The following KDM3B variants were observed in gnomAD, a reference collection of about 807,000 sequenced individuals.
The protein encoded by KDM3B is lysine-specific demethylase 3B.
KDM3B carries 10 observed loss-of-function variants against 170.0 expected under a neutral mutation model. The observed-to-expected ratio is 0.06, with a 90% CI of 0.04 to 0.10. KDM3B has a LOEUF of 0.10. Among genes scored for constraint, KDM3B ranks in the 10% least tolerant of loss-of-function variants. The probability of loss-of-function intolerance (pLI) is 1.00; values close to 1 mark genes in which losing one functional copy is unlikely to be tolerated. For synonymous variants in KDM3B, 831 were observed against 834.8 expected, an observed-to-expected ratio of 1.00 and a Z score of 0.08; for missense variants, 1,394 against 2,195.2, an observed-to-expected ratio of 0.64 and a Z score of 7.29.
intron 21 of KDM3B, 76 bp from the exon 22 acceptor site, chr5:138,430,173 C>T: frequency 1.3e-6 from 2 of 1,514,918 alleles, no homozygotes; most frequent in Admixed American, 1.9e-5. Context: ...CATCTTAGGA[C>T]ATTGCTGCAG....
chr5:138,393,403 A>T lies in KDM3B; in HGVS notation c.2831+31A>T, dbSNP rs574759997. The T allele has an allele frequency of 7.2e-6, 11 of 1,534,134 alleles. No individual in the cohort carries two copies. In the African/African-American group the frequency reaches 1.2e-4, roughly 17 times the overall value. On this transcript the variant is annotated intron_variant, in intron 9 of 23. Coordinates refer to ENST00000314358, the MANE Select transcript of KDM3B (RefSeq NM_016604.4). ...CAAACTCCTGTTTTCCTCCTTTGCT[A>T]GTTTTCATTAGTGACACATAACTTC...
At chr5:138,354,507 AT>A (rs1436853765) in intron 1 of KDM3B, among the ~76,000 whole-genome samples, 2 of 152,148 alleles carry the variant, frequency 1.3e-5, no homozygotes, top group East Asian at 3.9e-4. Context: ...ATTCATTGGG[AT>A]TTTTTTCTGG....
At chr5:138,367,698 G>A (rs1348883903) in intron 1 of KDM3B, among the ~76,000 whole-genome samples, 1 of 152,040 alleles carries the variant, frequency 6.6e-6, no homozygotes, top group Admixed American at 6.6e-5. Context: ...AGCTGATCAT[G>A]GTTTGTATTA....
chr5:138,435,591 G>T, intron 23 of KDM3B, 29 bp from the exon 24 acceptor site: 1 of 1,586,646 alleles, frequency 6.3e-7, no homozygotes, highest in South Asian at 1.1e-5. Context: ...GGGCTGCTGT[G>T]AACTGACTTT....
At chr5:138,400,122 C>A in intron 11 of KDM3B, 110 bp downstream of exon 11, 2 of 1,046,472 alleles carry the variant, frequency 1.9e-6, no homozygotes, top group Non-Finnish European at 2.8e-6. Context: ...TCTTTAGCTG[C>A]TTGGCTTCAT....
chr5:138,409,158 A>AAAT (rs1762898503), intron 11 of KDM3B, among the ~76,000 whole-genome samples: 1 of 152,220 alleles, frequency 6.6e-6, no homozygotes, highest in Admixed American at 6.5e-5. Context: ...ACTTCTATTC[A>AAAT]GTATTTTACT....
intron 12 of KDM3B, among the ~76,000 whole-genome samples, chr5:138,416,238 A>G (rs776274013): frequency 2.6e-5 from 4 of 151,990 alleles, no homozygotes; most frequent in Non-Finnish European, 4.4e-5. Context: ...ATTAACATAC[A>G]TCCATTGAAG....
chr5:138,362,209 C>T (rs995573616), intron 1 of KDM3B, among the ~76,000 whole-genome samples: 1 of 151,448 alleles, frequency 6.6e-6, no homozygotes, highest in Non-Finnish European at 1.5e-5. Flanking sequence ...CCCTGCTACT[C>T]GGGAGGCTGA....
At position 138,389,845 on chromosome 5, in the gene KDM3B, A is replaced by G. The variant is rs1762382249; in HGVS notation, c.1381-1168A>G. Among the ~76,000 whole-genome samples, 10 of 150,292 alleles carry G rather than the reference A, an allele frequency of 6.7e-5. No individual in the cohort carries two copies. The Admixed American group carries it at 6.7e-4, about 10-fold the overall frequency. ...CTCTTGTCTGTATCTGGGTACATTAATATATAGGAAAGTCCTTCCTTTTTT... is the reference window on the plus strand; with the variant it reads ...CTCTTGTCTGTATCTGGGTACATTAGTATATAGGAAAGTCCTTCCTTTTTT... On this transcript the variant is annotated intron_variant, in intron 7 of 23. Transcript: ENST00000314358.
In KDM3B at chr5:138,413,603, A is replaced by G. The variant is rs532097595; in HGVS notation, c.3200-1529A>G. Among the ~76,000 whole-genome samples the G allele has an allele frequency of 1.1e-4, 16 of 152,258 alleles. No homozygotes were observed. The South Asian group carries it at 3.3e-3, about 32-fold the overall frequency. ...AAAACATTTCCACAGAAAGACCTAT[A>G]CATGAATGTTTATAGCTGCTTTATT... On this transcript the variant is annotated intron_variant, in intron 11 of 23. Coordinates refer to ENST00000314358, the MANE Select transcript of KDM3B (RefSeq NM_016604.4).
intron 1 of KDM3B, among the ~76,000 whole-genome samples, chr5:138,370,110 A>G (rs570641676): frequency 5.8e-4 from 89 of 152,316 alleles, no homozygotes; most frequent in Admixed American, 2.1e-3. Context: ...GCTATGTCTT[A>G]TTCCCCTACA....
chr5:138,388,808 T>C (rs1169761679), intron 7 of KDM3B, among the ~76,000 whole-genome samples: 1 of 152,130 alleles, frequency 6.6e-6, no homozygotes, highest in Non-Finnish European at 1.5e-5. Context: ...CGAGACTCCG[T>C]CTCAAAAAAT....
chr5:138,436,091 T>G lies in KDM3B; in HGVS notation c.*391T>G. On this transcript the variant is annotated 3_prime_UTR_variant, in exon 24 of 24. Transcript: ENST00000314358. ...TTGGAGATAGGGGAAATCACATAAC[T>G]GGTACAAGTATGGGGTAATTGCTTA... 1 of 219,852 alleles carries G rather than the reference T, an allele frequency of 4.5e-6. No homozygotes were observed. The highest frequency in any genetic ancestry group is 9.1e-6 in the Non-Finnish European group (1 of 109,650). The allele number at this position is 219,852 out of a possible 1,614,324, so 13.6% of individuals were successfully genotyped here. A position where few individuals can be genotyped will look rare whatever the true frequency, so the allele number is the denominator to read the frequency against.
At chr5:138,368,199 A>G (rs1761789837) in intron 1 of KDM3B, among the ~76,000 whole-genome samples, 1 of 150,870 alleles carries the variant, frequency 6.6e-6, no homozygotes. Context: ...ATGTACTTAG[A>G]TTTAAAATGG....
chr5:138,390,838 TTTC>T (rs1446747370), intron 7 of KDM3B, among the ~76,000 whole-genome samples, 172 bp from the exon 8 acceptor site: 1 of 152,108 alleles, frequency 6.6e-6, no homozygotes, highest in Non-Finnish European at 1.5e-5. Flanking sequence ...CTGTGGCAGA[TTTC>T]TTCCCCACTG....
intron 11 of KDM3B, among the ~76,000 whole-genome samples, chr5:138,414,636 T>C (rs1189317279): frequency 6.6e-6 from 1 of 152,228 alleles, no homozygotes; most frequent in Non-Finnish European, 1.5e-5. Flanking sequence ...GTAAACACTT[T>C]AAATTGCTGG....
chr5:138,414,328 G>A (rs1763049048), intron 11 of KDM3B, among the ~76,000 whole-genome samples: 2 of 152,098 alleles, frequency 1.3e-5, no homozygotes, highest in South Asian at 4.1e-4. Flanking sequence ...ACCACACCTG[G>A]CTAATTTTTT....
At chr5:138,427,884 T>G in intron 19 of KDM3B, 83 bp from the exon 20 acceptor site, 4 of 1,321,390 alleles carry the variant, frequency 3.0e-6, no homozygotes, top group Non-Finnish European at 4.3e-6. Context: ...ACAACACCCT[T>G]GAGCATGTTT....
At position 138,429,809 on chromosome 5, in the gene KDM3B, C is replaced by A; in HGVS notation, c.4754-17C>A. ...AAATGGCTGACTACATTGAAAGTGT[C>A]ATTTTGCTCTTTTCAGAGGTACTCA... On this transcript the variant is annotated splice_polypyrimidine_tract_variant and intron_variant, in intron 20 of 23. Coordinates refer to ENST00000314358, the MANE Select transcript of KDM3B (RefSeq NM_016604.4). The A allele has an allele frequency of 1.2e-6, 2 of 1,612,824 alleles. No homozygotes were observed. Among genetic ancestry groups the A allele is most frequent in the South Asian group, 1.1e-5 (1 of 90,868 alleles).
Sources: allele counts gnomAD v4.1 joint callset (sites outside exome capture counted in the v4.1 genomes callset), GRCh38; gene constraint gnomAD v4.1.1; transcripts MANE v1.5; gene names NCBI Gene and HGNC (gene_info 2026-07-23, HGNC 2026-07-21).